ADGRV1: variants seen among roughly 807,000 people sequenced by gnomAD.
The protein encoded by ADGRV1 is adhesion G protein-coupled receptor V1, also known as G-protein coupled receptor 98.
Under a neutral mutation model 596.2 loss-of-function variants are expected in ADGRV1, and 359 were observed. That is an observed-to-expected ratio of 0.60 (90% confidence interval 0.55 to 0.66). The LOEUF is 0.66. Ranked by LOEUF, ADGRV1 falls within the 30% of genes least tolerant of loss-of-function variation. The pLI is 0.00. For synonymous variants in ADGRV1, 2,681 were observed against 2,679.2 expected (o/e 1.00, Z -0.02); for missense variants, 7,274 against 7,575.6 (o/e 0.96, Z 1.48).
chr5:90,772,308 C>T (rs891503922), intron 59 of ADGRV1, among the ~76,000 whole-genome samples: 4 of 152,088 alleles, frequency 2.6e-5, no homozygotes, highest in Admixed American at 1.3e-4. Flanking sequence ...CATTTCCAGC[C>T]GAGGTTGAAG....
chr5:91,056,883 T>TGGAGA (rs1786920204), intron 85 of ADGRV1, among the ~76,000 whole-genome samples: 1 of 152,210 alleles, frequency 6.6e-6, no homozygotes, highest in Non-Finnish European at 1.5e-5. Context: ...TCGAATTTAC[T>TGGAGA]TTTTGTCTAA....
At chr5:91,035,471 T>C (rs578142982) in intron 85 of ADGRV1, among the ~76,000 whole-genome samples, 69 of 152,310 alleles carry the variant, frequency 4.5e-4, no homozygotes, top group Admixed American at 8.5e-4. Context: ...TTAACCCCAA[T>C]TTTCTGAAAT....
chr5:90,711,354 T>C, intron 41 of ADGRV1, 32 bp downstream of exon 41: 1 of 1,528,664 alleles, frequency 6.5e-7, no homozygotes. Flanking sequence ...AGATGACTTT[T>C]ACAAATTATT....
rs565188390 is a variant in ADGRV1 at position 90,675,362 on chromosome 5, A to G, written c.5230A>G (p.Ile1744Val). Residue 1744 changes from isoleucine (I) to valine (V), a missense_variant, in exon 24 of 90, where the codon ATC becomes GTC. By Grantham distance (29) the Ile-to-Val change is conservative. Around this residue, in one of 5 missense-constraint regions of ADGRV1, gnomAD observed 3,643 missense variants for 3,809.2 expected, o/e 0.96. Coordinates refer to ENST00000405460, the MANE Select transcript of ADGRV1 (RefSeq NM_032119.4). ...AGATGGAGAAATCAGGTTATTGGTC[A>G]TCCGTGCACAGGGACTTCTGGGAAG... ...EEDGEIRLLV[I>V]RAQGLLGRVT... The G allele has an allele frequency of 1.2e-5, 20 of 1,613,898 alleles. No individual in the cohort carries two copies. The highest frequency in any genetic ancestry group is 1.1e-4 in the East Asian group (5 of 44,886).
At chr5:91,019,747 C>A (rs773478145) in intron 85 of ADGRV1, among the ~76,000 whole-genome samples, 4 of 151,998 alleles carry the variant, frequency 2.6e-5, no homozygotes, top group Non-Finnish European at 5.9e-5. Flanking sequence ...ATACTGCTAT[C>A]TGAGCACATG....
chr5:90,604,389 A>C (rs967357241), intron 1 of ADGRV1, among the ~76,000 whole-genome samples: 2 of 152,208 alleles, frequency 1.3e-5, no homozygotes, highest in Non-Finnish European at 2.9e-5. Flanking sequence ...CAATGAAGAG[A>C]AAGAAACTCA....
intron 86 of ADGRV1, among the ~76,000 whole-genome samples, chr5:91,080,654 C>T (rs1253318880): frequency 6.8e-6 from 1 of 146,472 alleles, no homozygotes; most frequent in Non-Finnish European, 1.5e-5. Context: ...TCATCTTCTA[C>T]TTAATCTTCT....
At chr5:91,071,622 C>G (rs1488725777) in intron 85 of ADGRV1, among the ~76,000 whole-genome samples, 1 of 152,112 alleles carries the variant, frequency 6.6e-6, no homozygotes, top group Non-Finnish European at 1.5e-5. Flanking sequence ...ATCTTGACAA[C>G]TAACTTTTGT....
intron 85 of ADGRV1, among the ~76,000 whole-genome samples, chr5:91,065,250 G>A (rs1562167852): frequency 6.6e-6 from 1 of 152,200 alleles, no homozygotes; most frequent in African/African-American, 2.4e-5. Flanking sequence ...TAATGTAGAG[G>A]CTATCATTGA....
chr5:90,610,919 A>G (rs577706870), intron 1 of ADGRV1, among the ~76,000 whole-genome samples: 2 of 151,938 alleles, frequency 1.3e-5, no homozygotes, highest in South Asian at 4.2e-4. Flanking sequence ...ACTGTGGGAG[A>G]ACTTGCCCCA....
At chr5:90,964,087 T>C (rs1369175262) in intron 83 of ADGRV1, among the ~76,000 whole-genome samples, 1 of 151,928 alleles carries the variant, frequency 6.6e-6, no homozygotes. Flanking sequence ...CCAATACACT[T>C]GAGTAGAAAT....
At chr5:91,046,698 G>T (rs940566611) in intron 85 of ADGRV1, among the ~76,000 whole-genome samples, 1 of 152,172 alleles carries the variant, frequency 6.6e-6, no homozygotes, top group Admixed American at 6.5e-5. Flanking sequence ...CTTTTGCATG[G>T]CAGAAGGAAC....
At chr5:90,856,208 G>A (rs1480986166) in intron 82 of ADGRV1, among the ~76,000 whole-genome samples, 3 of 152,106 alleles carry the variant, frequency 2.0e-5, no homozygotes, top group African/African-American at 7.2e-5. Flanking sequence ...ATGGTTTAGA[G>A]GGCAGGTACT....
At chr5:90,772,751 T>C (rs1757825252) in intron 59 of ADGRV1, among the ~76,000 whole-genome samples, 1 of 152,196 alleles carries the variant, frequency 6.6e-6, no homozygotes, top group South Asian at 2.1e-4. Flanking sequence ...GAAATTACTG[T>C]ACATATAAAG....
chr5:90,851,081 A>G lies in ADGRV1; in HGVS notation c.17205-2203A>G, dbSNP rs190469442. 3.6e-3 allele frequency among the ~76,000 whole-genome samples: 496 copies of G among 137,924 alleles called. 4 individuals are homozygous for G. The highest frequency in any genetic ancestry group is 0.013 in the African/African-American group (488 of 37,458). The allele number at this position is 137,924 out of a possible 152,430, so 90.5% of individuals were successfully genotyped here. A position where few individuals can be genotyped will look rare whatever the true frequency, so the allele number is the denominator to read the frequency against. On this transcript the variant is annotated intron_variant, in intron 79 of 89. Transcript: ENST00000405460. ...GAGCTCATCAGTTTTTTAAAGATTG[A>G]ACATGGAGTAAGCTAGGTAGGGTGT...
intron 89 of ADGRV1, among the ~76,000 whole-genome samples, chr5:91,160,398 C>G (rs1562296599): frequency 6.6e-6 from 1 of 152,032 alleles, no homozygotes; most frequent in Non-Finnish European, 1.5e-5. Flanking sequence ...GGGGTATGGT[C>G]TTTGGATCAT....
intron 1 of ADGRV1, among the ~76,000 whole-genome samples, chr5:90,579,484 T>C (rs1227826103): frequency 1.3e-5 from 2 of 152,230 alleles, no homozygotes; most frequent in Non-Finnish European, 2.9e-5. Flanking sequence ...TTTGTTGTGA[T>C]TTCTGTTCTT....
intron 83 of ADGRV1, among the ~76,000 whole-genome samples, chr5:90,963,139 T>C (rs570617522): frequency 3.7e-4 from 56 of 152,286 alleles, no homozygotes; most frequent in African/African-American, 1.2e-3. Context: ...TTAGAAAGGC[T>C]TGAATTTATT....
intron 85 of ADGRV1, among the ~76,000 whole-genome samples, chr5:91,069,931 A>C (rs1852733): frequency 0.019 from 2,861 of 151,584 alleles, 174 homozygotes; most frequent in Admixed American, 0.12. Context: ...GTAGCCACAA[A>C]AAAAAAAAAA....
Sources: gnomAD v4.1 joint callset for allele counts (sites outside exome capture counted in the v4.1 genomes callset) on GRCh38, gnomAD v4.1.1 for gene constraint, gnomAD v4.1.1 regional missense constraint, MANE v1.5 for transcripts, NCBI Gene and HGNC (gene_info 2026-07-23, HGNC 2026-07-21) for gene names.